The following C6orf58 variants were observed in gnomAD, a reference collection of about 807,000 sequenced individuals.
C6orf58 encodes protein LEG1 homolog.
A neutral mutation model predicts 37.0 loss-of-function variants in C6orf58; 30 were observed. The observed-to-expected ratio is 0.81, with a 90% CI of 0.61 to 1.10. The LOEUF is 1.10. Ranked by LOEUF, C6orf58 falls within the 50% of genes least tolerant of loss-of-function variation. The pLI is 0.00. For synonymous variants in C6orf58, 143 were observed against 134.1 expected (o/e 1.07, Z -0.46); for missense variants, 368 against 387.5 (o/e 0.95, Z 0.42).
chr6:127,583,635 C>A (rs1040314488), intron 4 of C6orf58, among the ~76,000 whole-genome samples: 1 of 152,026 alleles, frequency 6.6e-6, no homozygotes, highest in Non-Finnish European at 1.5e-5. Context: ...TGAAGTTGTG[C>A]TGCAAAAAAG....
rs145162146 is a variant in C6orf58, at chr6:127,590,263, C to G, written c.851C>G (p.Thr284Ser). ...TDVAPFISDFTAFQNVVLVLL... is the reference protein window; with the variant it reads ...TDVAPFISDFSAFQNVVLVLL... ...GTAGCCCCTTTCATCAGTGACTTTACTGCTTTTCAGAATGTAGTCCTGGTT... is the reference window on the plus strand; with the variant it reads ...GTAGCCCCTTTCATCAGTGACTTTAGTGCTTTTCAGAATGTAGTCCTGGTT... The change falls in exon 5 of 6, where the codon ACT becomes AGT. Residue 284 changes from threonine to serine, a missense_variant. Thr to Ser is a moderately conservative substitution (Grantham distance 58). Transcript: ENST00000329722. The G allele has an allele frequency of 1.0e-4, 161 of 1,613,504 alleles. No individual in the cohort carries two copies. The African/African-American group carries it at 1.7e-3, about 17-fold the overall frequency.
intron 1 of C6orf58, among the ~76,000 whole-genome samples, chr6:127,578,056 G>A (rs965618651): frequency 6.6e-6 from 1 of 152,094 alleles, no homozygotes; most frequent in African/African-American, 2.4e-5. Flanking sequence ...AAGCTCATGA[G>A]AAAGAGTGGT....
At chr6:127,584,467 G>T (rs1775083731) in intron 4 of C6orf58, among the ~76,000 whole-genome samples, 1 of 152,186 alleles carries the variant, frequency 6.6e-6, no homozygotes, top group Admixed American at 6.5e-5. Context: ...TGCTTTCCAT[G>T]AGTCCATATT....
intron 4 of C6orf58, among the ~76,000 whole-genome samples, chr6:127,588,427 G>A (rs570312494): frequency 3.2e-4 from 48 of 152,278 alleles, no homozygotes; most frequent in African/African-American, 9.6e-4. Flanking sequence ...ATTGCATGCT[G>A]TGAAACAACC....
chr6:127,581,569 T>A (rs996354979), intron 4 of C6orf58, among the ~76,000 whole-genome samples: 1 of 151,438 alleles, frequency 6.6e-6, no homozygotes, highest in African/African-American at 2.4e-5. Context: ...CAAAATATAA[T>A]ATAAATATGT....
chr6:127,589,549 T>G (rs1230366618), intron 4 of C6orf58, among the ~76,000 whole-genome samples: 1 of 152,186 alleles, frequency 6.6e-6, no homozygotes, highest in African/African-American at 2.4e-5. Flanking sequence ...TTTCTAATAA[T>G]TACAGAGTCT....
intron 5 of C6orf58, 133 bp downstream of exon 5, chr6:127,590,458 T>C: frequency 1.6e-6 from 1 of 639,970 alleles, no homozygotes; most frequent in Non-Finnish European, 2.7e-6. Context: ...GTATCCATTC[T>C]ATTTCTTTAG....
chr6:127,581,666 A>C (rs1315078789), intron 4 of C6orf58, among the ~76,000 whole-genome samples: 1 of 152,182 alleles, frequency 6.6e-6, no homozygotes, highest in African/African-American at 2.4e-5. Context: ...TAAGCAATGA[A>C]TGATTCATTA....
chr6:127,579,467 G>A (rs2114289982), intron 2 of C6orf58, among the ~76,000 whole-genome samples: 1 of 152,174 alleles, frequency 6.6e-6, no homozygotes, highest in Non-Finnish European at 1.5e-5. Context: ...AATAGTAGTG[G>A]CCACAGATCT....
intron 4 of C6orf58, among the ~76,000 whole-genome samples, chr6:127,589,776 T>C (rs1358431955): frequency 6.6e-6 from 1 of 152,118 alleles, no homozygotes; most frequent in Non-Finnish European, 1.5e-5. Flanking sequence ...TGGCAAAGAG[T>C]ATGATTTAAA....
chr6:127,589,710 G>C (rs892100214), intron 4 of C6orf58, among the ~76,000 whole-genome samples: 1 of 152,062 alleles, frequency 6.6e-6, no homozygotes, highest in Non-Finnish European at 1.5e-5. Context: ...GTTTCACAAA[G>C]GATATTTGAG....
rs770845649 is a variant in C6orf58, at chr6:127,577,499, CTT to C, written c.301+14_301+15del. 1 of 1,610,742 alleles carries C rather than the reference CTT, an allele frequency of 6.2e-7. No homozygotes were observed. The highest frequency in any genetic ancestry group is 8.5e-7 in the Non-Finnish European group (1 of 1,177,400). The stretch of plus-strand genomic sequence containing the variant: ...CAATATAGGACAGGTAAGAATGACT[CTT>C]GTTTTCATTGTAATGATCTACCGAT... On this transcript the variant is annotated intron_variant, in intron 1 of 5. Coordinates refer to ENST00000329722, the MANE Select transcript of C6orf58 (RefSeq NM_001010905.3).
chr6:127,590,647 T>A (rs1043784487), intron 5 of C6orf58, among the ~76,000 whole-genome samples: 29 of 147,418 alleles, frequency 2.0e-4, no homozygotes, highest in Non-Finnish European at 2.6e-4. Flanking sequence ...TCAGATCATT[T>A]AAAAAAAAAA....
At chr6:127,580,577 A>T (rs2060527887) in intron 3 of C6orf58, 128 bp downstream of exon 3, 1 of 640,590 alleles carries the variant, frequency 1.6e-6, no homozygotes, top group Admixed American at 2.8e-5. Context: ...TGCATGATAT[A>T]TTAATAGTAT....
intron 4 of C6orf58, among the ~76,000 whole-genome samples, chr6:127,588,997 A>G (rs1341217063): frequency 6.6e-6 from 1 of 152,194 alleles, no homozygotes; most frequent in Non-Finnish European, 1.5e-5. Flanking sequence ...TCCCACAAGC[A>G]TAGGAATCAA....
Position 127,590,114 on chromosome 6 carries a change from G to T in C6orf58, c.702G>T (p.Ala234=), listed in dbSNP as rs143015566. 1,521 of 1,612,854 alleles carry T rather than the reference G, an allele frequency of 9.4e-4. 1 individual carries two copies. Among genetic ancestry groups the T allele is most frequent in the Non-Finnish European group, 1.2e-3 (1,396 of 1,179,170 alleles). ...DRYDYYSKAE[A]HFERSWVLAV... ...ATGATTATTATTCTAAAGCAGAAGC[G>T]CATTTTGAGAGAAGTTGGGTACTGG... Residue 234 remains alanine (A), a synonymous_variant, in exon 5 of 6, where the codon GCG becomes GCT. Coordinates refer to ENST00000329722, the MANE Select transcript of C6orf58 (RefSeq NM_001010905.3).
chr6:127,580,029 C>T (rs1775031142), intron 2 of C6orf58, among the ~76,000 whole-genome samples: 2 of 151,934 alleles, frequency 1.3e-5, no homozygotes, highest in South Asian at 2.1e-4. Context: ...AAAATATAGT[C>T]AACTACTTTA....
At chr6:127,585,528 T>C (rs1775098121) in intron 4 of C6orf58, among the ~76,000 whole-genome samples, 1 of 152,172 alleles carries the variant, frequency 6.6e-6, no homozygotes, top group African/African-American at 2.4e-5. Context: ...AAAAACCTAA[T>C]GAAGACAACA....
In C6orf58 at chr6:127,577,282, T is replaced by G; in HGVS notation, c.97T>G (p.Trp33Gly). ...SNLSETEPPL[W>G]KESPGQLSDY... ...TCTCTCAGAGACAGAGCCCCCTCTG[T>G]GGAAGGAGAGTCCTGGTCAGCTCAG... The change falls in exon 1 of 6, where the codon TGG (tryptophan) becomes GGG (glycine). Residue 33 changes from tryptophan (W) to glycine (G), a missense_variant. Trp to Gly is a radical substitution (Grantham distance 184, BLOSUM62 -2). Transcript: ENST00000329722. 6.2e-7 allele frequency: 1 copy of G among 1,613,516 alleles called. No homozygotes were observed. The highest frequency in any genetic ancestry group is 8.5e-7 in the Non-Finnish European group (1 of 1,179,586).
Sources: allele counts gnomAD v4.1 joint callset (sites outside exome capture counted in the v4.1 genomes callset), GRCh38; gene constraint gnomAD v4.1.1; transcripts MANE v1.5; gene names NCBI Gene and HGNC (gene_info 2026-07-23, HGNC 2026-07-21).